The following NOL4 variants were observed in gnomAD, a reference collection of about 807,000 sequenced individuals.
NOL4 encodes the protein cancer/testis antigen 125.
Under a neutral mutation model 75.9 loss-of-function variants are expected in NOL4, and 17 were observed. That is an observed-to-expected ratio of 0.22 (90% CI 0.15 to 0.34). The LOEUF is 0.34. Among genes scored for constraint, NOL4 ranks in the 10% least tolerant of loss-of-function variants. The pLI, the probability that NOL4 is intolerant of heterozygous loss-of-function variation, is 1.00. For missense variants in NOL4, 614 were observed against 793.5 expected (o/e 0.77, Z 2.72); for synonymous variants, 292 against 289.9 (o/e 1.01, Z -0.07).
intron 4 of NOL4, among the ~76,000 whole-genome samples, chr18:34,093,951 A>G (rs1173803859): frequency 6.6e-6 from 1 of 152,112 alleles, no homozygotes; most frequent in Non-Finnish European, 1.5e-5. Context: ...CTGAGGCAGG[A>G]GAATGGCTTG....
chr18:34,122,982 A>G (rs1267494595), intron 2 of NOL4, among the ~76,000 whole-genome samples: 1 of 152,126 alleles, frequency 6.6e-6, no homozygotes, highest in East Asian at 1.9e-4. Flanking sequence ...TGTCATAAAC[A>G]ACTAATGAAG....
At chr18:34,020,983 T>A (rs543160325) in intron 5 of NOL4, among the ~76,000 whole-genome samples, 1 of 152,354 alleles carries the variant, frequency 6.6e-6, no homozygotes, top group South Asian at 2.1e-4. Flanking sequence ...TTATCAAGTA[T>A]GTTTTTTTGA....
chr18:33,914,302 A>G (rs1264301805), intron 9 of NOL4, among the ~76,000 whole-genome samples: 1 of 152,100 alleles, frequency 6.6e-6, no homozygotes, highest in Non-Finnish European at 1.5e-5. Flanking sequence ...ACCCTGAGAC[A>G]GGATCATAGC....
At chr18:34,180,285 C>T (rs2033924835) in intron 1 of NOL4, among the ~76,000 whole-genome samples, 1 of 151,510 alleles carries the variant, frequency 6.6e-6, no homozygotes. Flanking sequence ...AAAGCATATG[C>T]TATCACCATA....
Position 34,024,216 on chromosome 18 carries a change from A to T in NOL4, c.773-4615T>A, listed in dbSNP as rs868329078. ...AAAAATATATATATATATATATATA[A>T]AATCCTCATTTTAACATTAGTACTT... On this transcript the variant is annotated intron_variant, in intron 5 of 10. Transcript: ENST00000261592. Among the ~76,000 whole-genome samples, 279 of 87,046 alleles carry T rather than the reference A, an allele frequency of 3.2e-3. 8 individuals carry two copies. The highest frequency in any genetic ancestry group is 0.01 in the African/African-American group (249 of 24,108). 57.1% of individuals were successfully genotyped at this position (87,046 alleles called of 152,430 possible).
rs187991549 is a variant in NOL4, at chr18:33,998,735, T to C, written c.1056+20583A>G. ...GTATGTCCACGTGACAAGTGTTCAA[T>C]CAATGTTTGCTTGCTTGTCAATTAA... On this transcript the variant is annotated intron_variant, in intron 6 of 10. Coordinates refer to ENST00000261592, the MANE Select transcript of NOL4 (RefSeq NM_003787.5). Among the ~76,000 whole-genome samples, 129 of 152,200 alleles carry C rather than the reference T, an allele frequency of 8.5e-4. 5 individuals carry two copies. The South Asian group carries it at 0.02, about 23-fold the overall frequency.
At chr18:34,210,345 T>C (rs570562278) in intron 1 of NOL4, among the ~76,000 whole-genome samples, 20 of 152,366 alleles carry the variant, frequency 1.3e-4, no homozygotes, top group South Asian at 4.1e-4. Flanking sequence ...TCTCTTTTTT[T>C]CCCATAGGTC....
chr18:34,077,235 G>A (rs562281787), intron 5 of NOL4, among the ~76,000 whole-genome samples: 8 of 152,260 alleles, frequency 5.3e-5, no homozygotes, highest in Admixed American at 5.2e-4. Context: ...CTGAACCCCA[G>A]TGGTTGAGGC....
intron 1 of NOL4, among the ~76,000 whole-genome samples, chr18:34,216,909 A>G (rs2036928434): frequency 6.6e-6 from 1 of 152,032 alleles, no homozygotes; most frequent in African/African-American, 2.4e-5. Flanking sequence ...CTTTTGTCGC[A>G]TTGACAATCT....
intron 1 of NOL4, among the ~76,000 whole-genome samples, chr18:34,204,029 T>A (rs2035946746): frequency 6.6e-6 from 1 of 152,020 alleles, no homozygotes; most frequent in Non-Finnish European, 1.5e-5. Flanking sequence ...CTCTCCTCAT[T>A]ATTTCCTGGC....
chr18:33,873,708 T>G (rs538115301), intron 10 of NOL4, among the ~76,000 whole-genome samples: 1 of 152,138 alleles, frequency 6.6e-6, no homozygotes, highest in Admixed American at 6.6e-5. Context: ...CATTTAATAT[T>G]TATTGAACAC....
Position 33,906,190 on chromosome 18 carries a change from T to A in NOL4, c.1543-22766A>T, listed in dbSNP as rs116754172. 5.5e-3 allele frequency among the ~76,000 whole-genome samples: 842 copies of A among 152,288 alleles called. 2 individuals carry two copies. The highest frequency in any genetic ancestry group is 0.019 in the African/African-American group (780 of 41,568). On this transcript the variant is annotated intron_variant, in intron 9 of 10. Coordinates refer to ENST00000261592, the MANE Select transcript of NOL4 (RefSeq NM_003787.5). The stretch of plus-strand genomic sequence containing the variant: ...AGTGTACCCACACGTAACAATGTAG[T>A]GTTGAGTATTTGTCGGAGAGTCATG...
At chr18:33,876,258 C>A (rs2063929352) in intron 10 of NOL4, among the ~76,000 whole-genome samples, 1 of 152,040 alleles carries the variant, frequency 6.6e-6, no homozygotes, top group Admixed American at 6.6e-5. Flanking sequence ...TTTAAAGGTT[C>A]TGGAAACATC....
At position 33,903,082 on chromosome 18, in the gene NOL4, T is replaced by C. The variant is rs79617093; in HGVS notation, c.1543-19658A>G. Among the ~76,000 whole-genome samples, 1,441 of 152,214 alleles carry C rather than the reference T, an allele frequency of 9.5e-3. 24 individuals are homozygous for C. The highest frequency in any genetic ancestry group is 0.032 in the African/African-American group (1,348 of 41,536). On this transcript the variant is annotated intron_variant, in intron 9 of 10. Transcript: ENST00000261592. ...AGCTATAAAGTTAATCACTTAAAGG[T>C]TTCAGAATCTTTTTATAACTTCCAG...
intron 10 of NOL4, among the ~76,000 whole-genome samples, chr18:33,856,709 G>C (rs975859757): frequency 3.9e-5 from 6 of 152,114 alleles, no homozygotes; most frequent in African/African-American, 1.4e-4. Context: ...CAAAGAACAA[G>C]GTAGTAAATA....
At chr18:34,073,409 C>T (rs1046758103) in intron 5 of NOL4, among the ~76,000 whole-genome samples, 1 of 151,924 alleles carries the variant, frequency 6.6e-6, no homozygotes, top group Non-Finnish European at 1.5e-5. Context: ...TGTTCAATCT[C>T]TTATAAAAAA....
At chr18:34,093,677 A>G in intron 4 of NOL4, 80 bp from the exon 5 acceptor site, 2 of 1,072,584 alleles carry the variant, frequency 1.9e-6, no homozygotes, top group South Asian at 2.1e-5. Flanking sequence ...TACACAGTCA[A>G]TTGAAGTTTA....
intron 1 of NOL4, among the ~76,000 whole-genome samples, chr18:34,201,814 A>AAT (rs1484041182): frequency 6.6e-6 from 1 of 151,808 alleles, no homozygotes; most frequent in African/African-American, 2.4e-5. Flanking sequence ...CTATAATTTA[A>AAT]ATATATCAGT....
At chr18:34,151,751 A>G (rs954142574) in intron 1 of NOL4, among the ~76,000 whole-genome samples, 3 of 151,996 alleles carry the variant, frequency 2.0e-5, no homozygotes, top group Non-Finnish European at 4.4e-5. Flanking sequence ...CCAATGTACC[A>G]CTTTGGTGCA....
Sources: gnomAD v4.1 joint callset for allele counts (sites outside exome capture counted in the v4.1 genomes callset) on GRCh38, gnomAD v4.1.1 for gene constraint, MANE v1.5 for transcripts, NCBI Gene and HGNC (gene_info 2026-07-23, HGNC 2026-07-21) for gene names.